METTL5: variants seen among roughly 807,000 people sequenced by gnomAD.
METTL5 encodes the protein rRNA N(6)-adenosine-methyltransferase METTL5.
In METTL5, 28 loss-of-function variants were observed where a neutral mutation model predicts 26.5. That is an observed-to-expected ratio of 1.06 (90% CI 0.78 to 1.45). The LOEUF (loss-of-function observed/expected upper bound fraction) is 1.45. METTL5 is among the 40% of genes most tolerant of loss of function. METTL5 has a pLI of 0.00. For synonymous variants in METTL5, 86 were observed against 82.6 expected, an observed-to-expected ratio of 1.04 and a Z score of -0.22; for missense variants, 231 against 249.9, an observed-to-expected ratio of 0.92 and a Z score of 0.51.
intron 4 of METTL5, among the ~76,000 whole-genome samples, chr2:169,817,753 G>A (rs915285713): frequency 2.0e-5 from 3 of 150,060 alleles, no homozygotes; most frequent in African/African-American, 2.5e-5. Context: ...CATAACACAC[G>A]GGGGCCTGTT....
chr2:169,820,918 C>G (rs570693129), intron 3 of METTL5, among the ~76,000 whole-genome samples, 174 bp downstream of exon 3: 6 of 151,632 alleles, frequency 4.0e-5, no homozygotes, highest in African/African-American at 1.5e-4. Context: ...TGGGTAGAGG[C>G]AGGGTCTAAC....
chr2:169,819,941 G>A (rs1027277766), intron 3 of METTL5, among the ~76,000 whole-genome samples: 1 of 149,116 alleles, frequency 6.7e-6, no homozygotes, highest in Admixed American at 6.9e-5. Context: ...ATCTTGGTGG[G>A]GGCAGGGTAC....
rs555498278 is a variant in METTL5, at chr2:169,812,298, T to TG, written c.591+158dup. 242 of 1,187,460 alleles carry TG rather than the reference T, an allele frequency of 2.0e-4. 1 individual carries two copies. In the South Asian group the frequency reaches 2.9e-3, roughly 14 times the overall value. The allele number at this position is 1,187,460 out of a possible 1,614,324, so 73.6% of individuals were successfully genotyped here. ...TCTTATCGCGCAGGCTGGAGTTCAG[T>TG]GGGGCAATCTCAGCTCACTGCAACC... On this transcript the variant is annotated intron_variant, in intron 6 of 6. Coordinates refer to ENST00000260953, the MANE Select transcript of METTL5 (RefSeq NM_014168.4).
rs768786924 is a variant in METTL5, at chr2:169,811,762, T to TA, written c.*57dup. On this transcript the variant is annotated 3_prime_UTR_variant, in exon 7 of 7. Transcript: ENST00000260953. ...ATGGTGCTGGAGACCAGTAGTTTAG[T>TA]AAACCAATTTTTTATTCATTTTAAA... is the stretch of plus-strand genomic sequence containing the variant. The TA allele has an allele frequency of 1.2e-6, 2 of 1,613,090 alleles. No homozygotes were observed. Among genetic ancestry groups the TA allele is most frequent in the South Asian group, 2.2e-5 (2 of 90,772 alleles).
intron 3 of METTL5, among the ~76,000 whole-genome samples, chr2:169,820,797 C>T (rs1457713028): frequency 3.3e-5 from 5 of 152,094 alleles, no homozygotes; most frequent in African/African-American, 4.8e-5. Flanking sequence ...ATCGCAGCCC[C>T]GAATACCTGA....
At chr2:169,815,978 G>C (rs1477217433) in intron 4 of METTL5, among the ~76,000 whole-genome samples, 2 of 152,096 alleles carry the variant, frequency 1.3e-5, no homozygotes, top group African/African-American at 4.8e-5. Context: ...GTAATAGGTT[G>C]ACAGGTTTGT....
chr2:169,815,441 G>T, intron 5 of METTL5, 36 bp downstream of exon 5: 1 of 1,487,360 alleles, frequency 6.7e-7, no homozygotes, highest in Non-Finnish European at 9.3e-7. Flanking sequence ...AATACATGTT[G>T]GCCCTTTTGG....
At chr2:169,812,399 T>A in intron 6 of METTL5, 58 bp downstream of exon 6, 1 of 1,612,822 alleles carries the variant, frequency 6.2e-7, no homozygotes, top group East Asian at 2.2e-5. Flanking sequence ...AACCACCACA[T>A]CCGGCCCAGA....
chr2:169,818,804 G>C (rs2081544107), intron 4 of METTL5, among the ~76,000 whole-genome samples: 1 of 152,130 alleles, frequency 6.6e-6, no homozygotes, highest in African/African-American at 2.4e-5. Flanking sequence ...ACTGATCTAA[G>C]TGCTTTGTAA....
intron 4 of METTL5, among the ~76,000 whole-genome samples, chr2:169,817,506 C>T (rs558569512): frequency 3.3e-5 from 5 of 152,188 alleles, no homozygotes; most frequent in African/African-American, 1.2e-4. Flanking sequence ...GCACTATTCA[C>T]AATAGCAAAG....
In METTL5 at chr2:169,821,263, C is replaced by A; in HGVS notation, c.235G>T (p.Gly79Ter). 1.2e-6 allele frequency: 2 copies of A among 1,603,288 alleles called. No individual in the cohort carries two copies. The highest frequency in any genetic ancestry group is 8.5e-7 in the Non-Finnish European group (1 of 1,176,030). ...TAMLGAGLCVGFDIDEDALEI... is the reference protein window; with the variant it reads ...TAMLGAGLCV Reference sequence around the variant, plus strand: ...AATGCGTCTTCATCTATGTCAAATCCAACACACAACCTATAAATACAAAAC... The same window carrying A: ...AATGCGTCTTCATCTATGTCAAATCAAACACACAACCTATAAATACAAAAC... The change falls in exon 3 of 7, where the codon GGA becomes TGA. Residue 79 changes from glycine (G) to a stop codon, truncating the protein, a stop_gained. Transcript: ENST00000260953. LOFTEE classifies it high-confidence loss of function.
chr2:169,812,413 C>T (rs1361767408), intron 6 of METTL5, 44 bp downstream of exon 6: 1 of 1,613,574 alleles, frequency 6.2e-7, no homozygotes, highest in Admixed American at 1.7e-5. Flanking sequence ...GCCCAGAAAG[C>T]TTTTCAATAC....
chr2:169,820,173 T>G (rs1223710599), intron 3 of METTL5, among the ~76,000 whole-genome samples: 1 of 152,064 alleles, frequency 6.6e-6, no homozygotes, highest in Non-Finnish European at 1.5e-5. Context: ...GTCAGGCTGG[T>G]CTCAAACTCC....
rs373745484 is a variant in METTL5 at position 169,822,066 on chromosome 2, T to TA, written c.110-10dup. On this transcript the variant is annotated splice_polypyrimidine_tract_variant and intron_variant, in intron 1 of 6. Coordinates refer to ENST00000260953, the MANE Select transcript of METTL5 (RefSeq NM_014168.4). ...TGTATAGAGCATACATGCTAAAAAA[T>TA]AAAAAAAAAAAGAATAAGTAAGCAA... 13,391 of 1,089,454 alleles carry TA rather than the reference T, an allele frequency of 0.012. 1 individual carries two copies. The highest frequency in any genetic ancestry group is 0.022 in the South Asian group (1,272 of 57,826). 67.5% of individuals were successfully genotyped at this position (1,089,454 alleles called of 1,614,324 possible).
chr2:169,815,004 G>A (rs879680310), intron 5 of METTL5, among the ~76,000 whole-genome samples: 6 of 151,852 alleles, frequency 4.0e-5, no homozygotes, highest in African/African-American at 9.7e-5. Flanking sequence ...CGATTCTCCC[G>A]CCTCAGTCTC....
In METTL5 at chr2:169,812,466, T is replaced by A. The variant is rs759167150; in HGVS notation, c.582A>T (p.Lys194Asn). 4 of 1,613,972 alleles carry A rather than the reference T, an allele frequency of 2.5e-6. No homozygotes were observed. The East Asian group carries it at 8.9e-5, about 36-fold the overall frequency. ...YDLPASYKFH[K>N]KKSVDIEVDL... ...AAATCAAGAGACTTACTGATTTCTT[T>A]TTGTGAAACTTGTATGATGCTGGCA... The change falls in exon 6 of 7, where the codon AAA becomes AAT. Residue 194 changes from lysine to asparagine, a missense_variant. Physicochemically the swap from Lys to Asn is moderately conservative, Grantham distance 94. Transcript: ENST00000260953.
At chr2:169,813,940 C>T (rs1424687020) in intron 5 of METTL5, among the ~76,000 whole-genome samples, 1 of 152,012 alleles carries the variant, frequency 6.6e-6, no homozygotes, top group East Asian at 1.9e-4. Context: ...TTATTATGAA[C>T]AGTAATATAT....
chr2:169,821,007 C>T lies in METTL5; in HGVS notation c.406+85G>A, dbSNP rs187392050. ...AGCCTCGCAAAGCACTGGCATTACACGCCTGAGCCACTGCGCCTGGCCTTA... is the reference window on the plus strand; with the variant it reads ...AGCCTCGCAAAGCACTGGCATTACATGCCTGAGCCACTGCGCCTGGCCTTA... On this transcript the variant is annotated intron_variant, in intron 3 of 6. Coordinates refer to ENST00000260953, the MANE Select transcript of METTL5 (RefSeq NM_014168.4). The T allele has an allele frequency of 1.1e-4, 121 of 1,147,260 alleles. No individual in the cohort carries two copies. The East Asian group carries it at 2.3e-3, about 22-fold the overall frequency. 71.1% of individuals were successfully genotyped at this position (1,147,260 alleles called of 1,614,324 possible). A position where few individuals can be genotyped will look rare whatever the true frequency, so the allele number is the denominator to read the frequency against.
chr2:169,821,855 G>A, intron 2 of METTL5, 88 bp downstream of exon 2: 1 of 1,183,650 alleles, frequency 8.4e-7, no homozygotes, highest in Non-Finnish European at 1.2e-6. Flanking sequence ...TCATTCTGTG[G>A]AGTCTCATAA....
Sources: gnomAD v4.1 joint callset for allele counts (sites outside exome capture counted in the v4.1 genomes callset) on GRCh38, gnomAD v4.1.1 for gene constraint, MANE v1.5 for transcripts, NCBI Gene and HGNC (gene_info 2026-07-23, HGNC 2026-07-21) for gene names.